Variants in PPP2R2B observed in about 807,000 individuals in gnomAD.
The protein encoded by PPP2R2B is protein phosphatase 2 regulatory subunit Bbeta, also known as serine/threonine-protein phosphatase 2A 55 kDa regulatory subunit B beta isoform.
In PPP2R2B, 5 loss-of-function variants were observed where a neutral mutation model predicts 46.0. The observed-to-expected ratio is 0.11, with a 90% confidence interval of 0.06 to 0.23. The LOEUF (loss-of-function observed/expected upper bound fraction) is 0.23, where lower values mean the gene tolerates loss of function less well. PPP2R2B is among the 10% of genes least tolerant of loss of function. PPP2R2B has a pLI of 1.00. For missense variants in PPP2R2B, 367 were observed against 575.0 expected (o/e 0.64, Z 3.70); for synonymous variants, 215 against 206.7 (o/e 1.04, Z -0.34).
chr5:146,775,545 T>G (rs178594), intron 2 of PPP2R2B, among the ~76,000 whole-genome samples: 1 of 152,002 alleles, frequency 6.6e-6, no homozygotes. Flanking sequence ...GACAAAGATG[T>G]CTGCTTTTAT....
chr5:146,695,254 A>T (rs147264023), intron 4 of PPP2R2B, among the ~76,000 whole-genome samples: 1,796 of 152,228 alleles, frequency 0.012, 36 homozygotes, highest in African/African-American at 0.041. Flanking sequence ...TTCTCTCTGG[A>T]TGGGAACACT....
intron 2 of PPP2R2B, among the ~76,000 whole-genome samples, chr5:146,819,729 T>G (rs1403682327): frequency 6.6e-6 from 1 of 152,096 alleles, no homozygotes; most frequent in Non-Finnish European, 1.5e-5. Context: ...AAATTAAAAA[T>G]AGAACTACCA....
At chr5:146,663,059 A>G (rs1776765015) in intron 5 of PPP2R2B, among the ~76,000 whole-genome samples, 1 of 152,214 alleles carries the variant, frequency 6.6e-6, no homozygotes, top group South Asian at 2.1e-4. Context: ...TATGCCAGTC[A>G]CTGTTATAAG....
chr5:146,659,628 T>C (rs1776559013), intron 5 of PPP2R2B, among the ~76,000 whole-genome samples: 1 of 152,232 alleles, frequency 6.6e-6, no homozygotes, highest in Non-Finnish European at 1.5e-5. Flanking sequence ...ATTGTGCTAA[T>C]CATTTATGCA....
At chr5:146,987,733 A>C (rs1386294667) in intron 1 of PPP2R2B, among the ~76,000 whole-genome samples, 1 of 152,026 alleles carries the variant, frequency 6.6e-6, no homozygotes, top group African/African-American at 2.4e-5. Context: ...GTTATAAAAC[A>C]ATCAGAAATC....
intron 2 of PPP2R2B, among the ~76,000 whole-genome samples, chr5:146,868,816 C>A (rs1028289489): frequency 2.0e-5 from 3 of 152,144 alleles, no homozygotes; most frequent in African/African-American, 4.8e-5. Flanking sequence ...TCATATACTA[C>A]ATTGTGATGA....
intron 2 of PPP2R2B, among the ~76,000 whole-genome samples, chr5:147,079,492 C>G (rs886681110): frequency 2.1e-5 from 3 of 141,850 alleles, no homozygotes; most frequent in African/African-American, 7.8e-5. Context: ...GAATATTACT[C>G]AGCCATAAAA....
rs1453334727 is a variant in PPP2R2B, at chr5:147,062,867, G to A, written c.50+18192C>T. Among the ~76,000 whole-genome samples, 5 of 151,334 alleles carry A rather than the reference G, an allele frequency of 3.3e-5. No individual in the cohort carries two copies. The Admixed American group carries it at 3.3e-4, about 10-fold the overall frequency. On this transcript the variant is annotated intron_variant, in intron 2 of 10. Coordinates refer to the PPP2R2B transcript ENST00000394413. ...ACACACCTACCTATCAATGCCTCCA[G>A]AGATCCAATATGTGTTGAAAGTTTG...
chr5:146,706,791 C>T, intron 2 of PPP2R2B: 1 of 839,302 alleles, frequency 1.2e-6, no homozygotes, highest in Admixed American at 1.7e-5. Context: ...TCGGCCTCAG[C>T]CCGACTGCGG....
intron 1 of PPP2R2B, among the ~76,000 whole-genome samples, chr5:146,940,552 A>G (rs1449855066): frequency 1.3e-5 from 2 of 150,800 alleles, no homozygotes; most frequent in African/African-American, 4.9e-5. Context: ...AGGAGAACAT[A>G]TCTAAAAAGG....
chr5:146,654,955 A>G (rs1252581334), intron 5 of PPP2R2B, among the ~76,000 whole-genome samples: 4 of 152,198 alleles, frequency 2.6e-5, no homozygotes, highest in Admixed American at 6.5e-5. Flanking sequence ...ACCTTGTCTG[A>G]GCCATGTTGG....
intron 2 of PPP2R2B, among the ~76,000 whole-genome samples, chr5:146,847,361 T>C (rs1760071147): frequency 6.6e-6 from 1 of 152,230 alleles, no homozygotes; most frequent in African/African-American, 2.4e-5. Flanking sequence ...CCAGTCATTC[T>C]GAACTCCACT....
chr5:146,933,502 GA>G (rs1256251309), intron 1 of PPP2R2B, among the ~76,000 whole-genome samples: 1 of 151,814 alleles, frequency 6.6e-6, no homozygotes, highest in East Asian at 1.9e-4. Flanking sequence ...AAAAACAAGA[GA>G]AAAAAATAAA....
intron 1 of PPP2R2B, among the ~76,000 whole-genome samples, chr5:147,035,830 T>A: frequency 6.6e-6 from 1 of 152,172 alleles, no homozygotes; most frequent in African/African-American, 2.4e-5. Context: ...TCTAGATAAT[T>A]GATTAAAATT....
At chr5:146,835,476 A>G (rs1561945166) in intron 2 of PPP2R2B, among the ~76,000 whole-genome samples, 2 of 152,132 alleles carry the variant, frequency 1.3e-5, no homozygotes, top group African/African-American at 4.8e-5. Flanking sequence ...AAACATGTAC[A>G]TCTTTGGTTT....
chr5:146,788,606 C>A (rs1217191778), intron 2 of PPP2R2B, among the ~76,000 whole-genome samples: 2 of 152,112 alleles, frequency 1.3e-5, no homozygotes, highest in Non-Finnish European at 2.9e-5. Flanking sequence ...TGGCACATGC[C>A]TGTAATCCCA....
At chr5:146,842,963 T>A (rs187084288) in intron 2 of PPP2R2B, among the ~76,000 whole-genome samples, 2,575 of 152,144 alleles carry the variant, frequency 0.017, 28 homozygotes, top group Non-Finnish European at 0.026. Context: ...CCGAGGCGGG[T>A]GGATCACCTC....
chr5:146,942,809 T>G (rs779989711), intron 1 of PPP2R2B, among the ~76,000 whole-genome samples: 37 of 152,120 alleles, frequency 2.4e-4, no homozygotes, highest in Non-Finnish European at 4.3e-4. Flanking sequence ...ATAGTTTTTT[T>G]TTTTTTGAGA....
chr5:146,718,415 ATATT>A (rs1192749207), intron 2 of PPP2R2B, among the ~76,000 whole-genome samples: 5 of 152,046 alleles, frequency 3.3e-5, no homozygotes, highest in Non-Finnish European at 5.9e-5. Context: ...GTTTCCTAGA[ATATT>A]TATTAATATT....
Sources: gnomAD v4.1 joint callset for allele counts (sites outside exome capture counted in the v4.1 genomes callset) on GRCh38, gnomAD v4.1.1 for gene constraint, MANE v1.5 for transcripts, NCBI Gene and HGNC (gene_info 2026-07-23, HGNC 2026-07-21) for gene names.